TG: variants seen among roughly 807,000 people sequenced by gnomAD.
The protein encoded by TG is thyroid hormones.
TG carries 270 observed loss-of-function variants against 324.7 expected under a neutral mutation model. The ratio of observed to expected loss-of-function variants is 0.83; its 90% CI spans 0.75 to 0.92. The LOEUF is 0.92. TG is among the 40% of genes least tolerant of loss of function. The probability of loss-of-function intolerance (pLI) is 0.00; values close to 1 mark genes in which losing one functional copy is unlikely to be tolerated. For missense variants in TG, 3,591 were observed against 3,456.4 expected (o/e 1.04, Z -0.98); for synonymous variants, 1,401 against 1,327.0 (o/e 1.06, Z -1.21).
rs768069064 is a variant in TG at position 132,948,791 on chromosome 8, G to T, written c.5249G>T (p.Gly1750Val). The change falls in exon 27 of 48, where the codon GGG becomes GTG. Residue 1750 changes from glycine to valine, a missense_variant. Coordinates refer to ENST00000220616, the MANE Select transcript of TG (RefSeq NM_003235.5). Reference protein sequence around the residue: ...TQVQGGAIICGLLSSPSVLLC... With the variant: ...TQVQGGAIICVLLSSPSVLLC... ...TGATTCTCAGGTGCCATCATCTGTG[G>T]GTTGCTGAGCTCACCCAGTGTCCTG... 1.2e-6 allele frequency: 2 copies of T among 1,613,834 alleles called. No individual in the cohort carries two copies. The highest frequency in any genetic ancestry group is 3.3e-5 in the Admixed American group (2 of 60,018).
intron 5 of TG, among the ~76,000 whole-genome samples, chr8:132,880,810 T>C (rs1184593215): frequency 6.6e-6 from 1 of 152,214 alleles, no homozygotes; most frequent in Non-Finnish European, 1.5e-5. Flanking sequence ...TTATACACAC[T>C]CCCTTTTGGC....
At chr8:132,918,326 G>A (rs894225153) in intron 20 of TG, among the ~76,000 whole-genome samples, 149 of 152,208 alleles carry the variant, frequency 9.8e-4, no homozygotes, top group African/African-American at 3.4e-3. Context: ...TTCCTTCAGC[G>A]GTGAATTTGG....
intron 43 of TG, among the ~76,000 whole-genome samples, chr8:133,113,090 C>G (rs1400693809): frequency 6.6e-6 from 1 of 152,174 alleles, no homozygotes; most frequent in African/African-American, 2.4e-5. Context: ...GGGGTTTGAC[C>G]TGTTCTCAGA....
intron 45 of TG, among the ~76,000 whole-genome samples, chr8:133,126,936 G>T (rs556896196): frequency 6.6e-6 from 1 of 152,272 alleles, no homozygotes; most frequent in South Asian, 2.1e-4. Context: ...ATATTTTATG[G>T]GGATGAGGTC....
chr8:133,009,479 T>C (rs1387680400), intron 35 of TG, among the ~76,000 whole-genome samples: 2 of 152,108 alleles, frequency 1.3e-5, no homozygotes, highest in Non-Finnish European at 2.9e-5. Context: ...GGTGAAACAT[T>C]ATGTTATTTG....
At chr8:132,931,138 G>T (rs888271839) in intron 23 of TG, among the ~76,000 whole-genome samples, 8 of 152,238 alleles carry the variant, frequency 5.3e-5, no homozygotes, top group African/African-American at 1.9e-4. Flanking sequence ...TCCTGGGCTT[G>T]TAGGTGACTC....
intron 28 of TG, among the ~76,000 whole-genome samples, chr8:132,962,008 A>C (rs1160850797): frequency 3.9e-5 from 6 of 152,130 alleles, no homozygotes; most frequent in Non-Finnish European, 8.8e-5. Flanking sequence ...CGTGCGATAC[A>C]GACGCCACTG....
Position 133,011,910 on chromosome 8 carries a change from A to G in TG, c.6272A>G (p.Asp2091Gly), listed in dbSNP as rs61743198. The stretch of plus-strand genomic sequence containing the variant: ...TTGCCTTCTCTCCTAGTGTCTCTGG[A>G]CTCGTGGCAGTCCCTGGCCCTCTCT... ...LPSLTEKVSL[D>G]SWQSLALSSV... The change falls in exon 36 of 48, where the codon GAC becomes GGC. Residue 2091 changes from aspartate to glycine, a missense_variant. Asp to Gly is a moderately conservative substitution (Grantham distance 94, BLOSUM62 -1). Transcript: ENST00000220616. 2.5e-3 allele frequency: 4,098 copies of G among 1,613,958 alleles called. 89 individuals are homozygous for G. The African/African-American group carries it at 0.046, about 18-fold the overall frequency.
chr8:133,134,007 C>T (rs1268923515), intron 47 of TG, among the ~76,000 whole-genome samples: 1 of 152,222 alleles, frequency 6.6e-6, no homozygotes, highest in Non-Finnish European at 1.5e-5. Flanking sequence ...CTCATCCTCA[C>T]AGTCCTTGAA....
At chr8:133,041,743 G>A (rs1015922209) in intron 41 of TG, among the ~76,000 whole-genome samples, 14 of 150,046 alleles carry the variant, frequency 9.3e-5, no homozygotes, top group African/African-American at 1.2e-4. Flanking sequence ...AGCTAGCCTC[G>A]TACCCTGGAT....
At position 132,904,211 on chromosome 8, in the gene TG, G is replaced by C. The variant is rs144413594; in HGVS notation, c.3635-2477G>C. Among the ~76,000 whole-genome samples, 1,384 of 152,310 alleles carry C rather than the reference G, an allele frequency of 9.1e-3. 20 individuals are homozygous for C. Among genetic ancestry groups the C allele is most frequent in the African/African-American group, 0.031 (1,274 of 41,574 alleles). On this transcript the variant is annotated intron_variant, in intron 16 of 47. Coordinates refer to ENST00000220616, the MANE Select transcript of TG (RefSeq NM_003235.5). Reference sequence around the variant, plus strand: ...TTGTGAAGATGGAGTCAACGCCTGGGAGGCCTTTGGGCAGTCCTGGCATGC... The same window carrying C: ...TTGTGAAGATGGAGTCAACGCCTGGCAGGCCTTTGGGCAGTCCTGGCATGC...
At chr8:132,949,050 TTCTG>T in intron 27 of TG, 107 bp downstream of exon 27, 1 of 957,820 alleles carries the variant, frequency 1.0e-6, no homozygotes, top group Non-Finnish European at 1.5e-6. Flanking sequence ...GAGCTTATAC[TTCTG>T]AAAAAAAAAA....
chr8:132,961,124 T>C, intron 28 of TG, 51 bp downstream of exon 28: 1 of 1,571,880 alleles, frequency 6.4e-7, no homozygotes, highest in Non-Finnish European at 8.8e-7. Flanking sequence ...TTACATGAGA[T>C]TGTCTGGCAC....
intron 35 of TG, among the ~76,000 whole-genome samples, chr8:132,984,082 G>A (rs1003822923): frequency 3.9e-5 from 6 of 152,216 alleles, no homozygotes; most frequent in East Asian, 1.9e-4. Flanking sequence ...TCACTGCACC[G>A]TCCCCTTTTC....
chr8:132,940,623 G>T (rs945131941), intron 25 of TG, among the ~76,000 whole-genome samples: 5 of 152,236 alleles, frequency 3.3e-5, no homozygotes, highest in Non-Finnish European at 5.9e-5. Flanking sequence ...AAGGGTTGAG[G>T]CTGCTGAGTT....
chr8:133,070,450 C>A (rs945479633), intron 41 of TG, among the ~76,000 whole-genome samples: 1 of 152,218 alleles, frequency 6.6e-6, no homozygotes, highest in South Asian at 2.1e-4. Flanking sequence ...GTTTAAAATA[C>A]ACGGACTCAT....
At position 133,075,001 on chromosome 8, in the gene TG, A is replaced by G. The variant is rs1016999916; in HGVS notation, c.7240-20043A>G. ...CGGTTGTGGAGAAGCAGCCCATGCT[A>G]CACAGAAGAACTGCAGTTGCTAAAC... On this transcript the variant is annotated intron_variant, in intron 41 of 47. Transcript: ENST00000220616. The G allele has an allele frequency of 1.3e-5, 13 of 985,350 alleles. No homozygotes were observed. In the Admixed American group the frequency reaches 1.8e-4, roughly 14 times the overall value. 61.0% of individuals were successfully genotyped at this position (985,350 alleles called of 1,614,324 possible).
chr8:132,920,368 G>C (rs1820938038), intron 21 of TG, among the ~76,000 whole-genome samples: 1 of 152,178 alleles, frequency 6.6e-6, no homozygotes, highest in Admixed American at 6.5e-5. Context: ...TTTAAAACAA[G>C]TCATCAGAAA....
rs76888886 is a variant in TG at position 132,907,028 on chromosome 8, G to A, written c.3847+128G>A. The A allele has an allele frequency of 2.1e-3, 2,128 of 999,008 alleles. 11 individuals are homozygous for A. Among genetic ancestry groups the A allele is most frequent in the African/African-American group, 0.015 (920 of 62,674 alleles). 61.9% of individuals were successfully genotyped at this position (999,008 alleles called of 1,614,324 possible). ...TAGCACGCTGGTGGTATGCCAGATG[G>A]CACCAAGAGATGGGAGAGAGTCCCA... On this transcript the variant is annotated intron_variant, in intron 17 of 47. Transcript: ENST00000220616.
Sources: gnomAD v4.1 joint callset for allele counts (sites outside exome capture counted in the v4.1 genomes callset) on GRCh38, gnomAD v4.1.1 for gene constraint, MANE v1.5 for transcripts, NCBI Gene and HGNC (gene_info 2026-07-23, HGNC 2026-07-21) for gene names.